The following SMPD3 variants were observed in gnomAD, a reference collection of about 807,000 sequenced individuals.
SMPD3 encodes nSMase-2.
SMPD3 carries 21 observed loss-of-function variants against 55.7 expected under a neutral mutation model. The observed-to-expected ratio is 0.38, with a 90% CI of 0.27 to 0.54. The LOEUF (loss-of-function observed/expected upper bound fraction) is 0.54. Ranked by LOEUF, SMPD3 falls within the 20% of genes least tolerant of loss-of-function variation. SMPD3 has a pLI of 0.80. For missense variants in SMPD3, 842 were observed against 899.6 expected, an observed-to-expected ratio of 0.94 and a Z score of 0.82; for synonymous variants, 457 against 404.3, an observed-to-expected ratio of 1.13 and a Z score of -1.56.
chr16:68,404,183 A>ATTTTT lies in SMPD3; in HGVS notation c.-268-17529_-268-17525dup, dbSNP rs549273411. On this transcript the variant is annotated intron_variant, in intron 1 of 8. Transcript: ENST00000219334. This position sits in a 1 kb window ranked among gnomAD's most constrained non-coding sequence, Gnocchi z 4.0. ...CAGTGCACACCACCACGCCCAGCTA[A>ATTTTT]TTTTTTTTTTTTTTTTTTGAGATGG... 7.4e-6 allele frequency among the ~76,000 whole-genome samples: 1 copy of ATTTTT among 135,008 alleles called. No individual in the cohort carries two copies. The allele number at this position is 135,008 out of a possible 152,430, so 88.6% of individuals were successfully genotyped here.
At chr16:68,427,761 G>T (rs547469721) in intron 1 of SMPD3, among the ~76,000 whole-genome samples, 3 of 151,860 alleles carry the variant, frequency 2.0e-5, no homozygotes, top group East Asian at 1.9e-4. Flanking sequence ...CTGGGGGGGG[G>T]TGCTGATGCA....
chr16:68,369,938 C>CCG (rs1323837260), intron 3 of SMPD3: 1 of 152,234 alleles, frequency 6.6e-6, no homozygotes, highest in African/African-American at 2.4e-5. Context: ...GGCCTCTGAA[C>CCG]CGCAGCCCTC....
At chr16:68,398,247 A>G (rs189838190) in intron 1 of SMPD3, among the ~76,000 whole-genome samples, 1 of 152,304 alleles carries the variant, frequency 6.6e-6, no homozygotes, top group Non-Finnish European at 1.5e-5. Flanking sequence ...AGCACTTGGG[A>G]AGGGAGGAAG....
intron 1 of SMPD3, among the ~76,000 whole-genome samples, chr16:68,405,563 A>AAAAAG (rs1317900008): frequency 1.8e-4 from 27 of 150,652 alleles, no homozygotes; most frequent in African/African-American, 5.4e-4. Flanking sequence ...AAAAAAAAAA[A>AAAAAG]AAAAGAAAAG....
chr16:68,430,789 G>A (rs887943905), intron 1 of SMPD3, among the ~76,000 whole-genome samples: 11 of 152,130 alleles, frequency 7.2e-5, no homozygotes, highest in Admixed American at 2.0e-4. Flanking sequence ...TGGCTGAACC[G>A]GGACACTCTC....
rs147907242 is a variant in SMPD3, at chr16:68,406,815, C to T, written c.-268-20156G>A. On this transcript the variant is annotated intron_variant, in intron 1 of 8. Coordinates refer to ENST00000219334, the MANE Select transcript of SMPD3 (RefSeq NM_018667.4). The stretch of plus-strand genomic sequence containing the variant: ...ACTCAGAAAACACAGTTTCAGGGGG[C>T]GGAAGCTCACCGTAGCGTGGAGGAG... 3.5e-3 allele frequency among the ~76,000 whole-genome samples: 535 copies of T among 152,238 alleles called. 6 individuals carry two copies. The highest frequency in any genetic ancestry group is 0.012 in the African/African-American group (478 of 41,536).
intron 2 of SMPD3, among the ~76,000 whole-genome samples, chr16:68,383,197 G>C (rs1264261973): frequency 6.6e-6 from 1 of 152,198 alleles, no homozygotes; most frequent in Admixed American, 6.5e-5. Context: ...ACACTGTGCA[G>C]AGCAAGCTGG....
intron 1 of SMPD3, among the ~76,000 whole-genome samples, chr16:68,431,119 T>C (rs2090476393): frequency 6.6e-6 from 1 of 152,082 alleles, no homozygotes; most frequent in Non-Finnish European, 1.5e-5. Flanking sequence ...AGTAAGAAAA[T>C]GTGGCCTTAG....
intron 1 of SMPD3, among the ~76,000 whole-genome samples, chr16:68,390,753 G>A (rs1439838263): frequency 6.6e-6 from 1 of 152,176 alleles, no homozygotes; most frequent in Non-Finnish European, 1.5e-5. Flanking sequence ...ATTCAAGATG[G>A]AGTTGCCCGG....
Position 68,371,365 on chromosome 16 carries a change from C to T in SMPD3, c.817G>A (p.Gly273Arg), listed in dbSNP as rs770451672. 48 of 1,574,636 alleles carry T rather than the reference C, an allele frequency of 3.0e-5. No homozygotes were observed. Among genetic ancestry groups the T allele is most frequent in the Middle Eastern group, 1.7e-4 (1 of 5,922 alleles). The change falls in exon 3 of 9, where the codon GGG becomes AGG. Residue 273 changes from glycine to arginine, a missense_variant. Physicochemically the swap from Gly to Arg is moderately radical, Grantham distance 125 (BLOSUM62 -2). Coordinates refer to ENST00000219334, the MANE Select transcript of SMPD3 (RefSeq NM_018667.4). ...PGGQARNGAG[G>R]GPRGQTPNHN... ...TTGGGCGTCTGGCCCCTTGGGCCCC[C>T]GCCAGCTCCGTTCCTGGCCTGGCCC...
At chr16:68,441,269 G>C (rs576018713) in intron 1 of SMPD3, among the ~76,000 whole-genome samples, 2 of 152,300 alleles carry the variant, frequency 1.3e-5, no homozygotes, top group South Asian at 4.1e-4. Flanking sequence ...GGCACAACTT[G>C]CTCAAGTTTA....
chr16:68,366,604 G>A (rs1325198089), intron 3 of SMPD3, among the ~76,000 whole-genome samples: 2 of 152,214 alleles, frequency 1.3e-5, no homozygotes, highest in African/African-American at 4.8e-5. Context: ...GGTGGCTCAC[G>A]CCTGTAATCC....
chr16:68,359,006 A>C lies in SMPD3; in HGVS notation c.*2200T>G, dbSNP rs2089048698. On this transcript the variant is annotated 3_prime_UTR_variant, in exon 9 of 9. Coordinates refer to ENST00000219334, the MANE Select transcript of SMPD3 (RefSeq NM_018667.4). ...CCCAGGACCTGACTAGGCAGAGGCG[A>C]CCTTGTGATGACAGAAAATGACTTG... 1 of 152,638 alleles carries C rather than the reference A, an allele frequency of 6.6e-6. No homozygotes were observed. 9.5% of individuals were successfully genotyped at this position (152,638 alleles called of 1,614,324 possible). A position where few individuals can be genotyped will look rare whatever the true frequency, so the allele number is the denominator to read the frequency against.
chr16:68,363,886 A>T lies in SMPD3; in HGVS notation c.1556-20T>A, dbSNP rs925590983. The T allele has an allele frequency of 6.5e-7, 1 of 1,547,604 alleles. No homozygotes were observed. The highest frequency in any genetic ancestry group is 1.4e-5 in the African/African-American group (1 of 73,184). On this transcript the variant is annotated intron_variant, in intron 5 of 8. Coordinates refer to ENST00000219334, the MANE Select transcript of SMPD3 (RefSeq NM_018667.4). ...TGTCGTCTGTGCGGGGAGGGAGGAA[A>T]CGCTGAGGCACCAGGGGGCTTTGCT...
At chr16:68,414,875 T>A (rs1231027010) in intron 1 of SMPD3, among the ~76,000 whole-genome samples, 4 of 152,154 alleles carry the variant, frequency 2.6e-5, no homozygotes, top group Admixed American at 6.5e-5. Flanking sequence ...AGATGATGAA[T>A]CTGGAAGACT....
At chr16:68,416,032 G>A (rs978583827) in intron 1 of SMPD3, among the ~76,000 whole-genome samples, 2 of 152,112 alleles carry the variant, frequency 1.3e-5, no homozygotes, top group Non-Finnish European at 2.9e-5. Context: ...GATTCAAACC[G>A]ACAACATCTG....
At chr16:68,402,120 T>G (rs994522300) in intron 1 of SMPD3, among the ~76,000 whole-genome samples, 44 of 152,336 alleles carry the variant, frequency 2.9e-4, no homozygotes, top group African/African-American at 9.9e-4. Flanking sequence ...TTTTAGACTG[T>G]CATTTCCCTG....
At chr16:68,363,188 A>G (rs1010864229) in intron 7 of SMPD3, among the ~76,000 whole-genome samples, 7 of 151,666 alleles carry the variant, frequency 4.6e-5, no homozygotes, top group Non-Finnish European at 1.0e-4. Context: ...CCCGGGGGAA[A>G]TTCCAGGCCC....
chr16:68,388,539 G>T (rs1447475793), intron 1 of SMPD3, among the ~76,000 whole-genome samples: 5 of 152,104 alleles, frequency 3.3e-5, no homozygotes, highest in Admixed American at 2.0e-4. Flanking sequence ...GTGGGGAGGA[G>T]CTCACCTCTC....
Sources: gnomAD v4.1 joint callset for allele counts (sites outside exome capture counted in the v4.1 genomes callset) on GRCh38, gnomAD v4.1.1 for gene constraint, Gnocchi (gnomAD v3.1) non-coding constraint, MANE v1.5 for transcripts, NCBI Gene and HGNC (gene_info 2026-07-23, HGNC 2026-07-21) for gene names.